Variants in BSPRY observed in about 807,000 individuals in gnomAD.
The protein encoded by BSPRY is B-box and SPRY domain containing, also known as B box and SPRY domain-containing protein.
In BSPRY, 33 loss-of-function variants were observed where a neutral mutation model predicts 38.0. That is an observed-to-expected ratio of 0.87 (90% CI 0.66 to 1.16). The LOEUF is 1.16. Ranked by LOEUF, BSPRY falls within the 50% of genes most tolerant of loss-of-function variation. BSPRY has a pLI of 0.00. For synonymous variants in BSPRY, 224 were observed against 228.5 expected, an observed-to-expected ratio of 0.98 and a Z score of 0.18; for missense variants, 523 against 533.2, an observed-to-expected ratio of 0.98 and a Z score of 0.19.
intron 1 of BSPRY, among the ~76,000 whole-genome samples, chr9:113,352,310 A>G (rs1833986019): frequency 6.6e-6 from 1 of 152,222 alleles, no homozygotes; most frequent in Non-Finnish European, 1.5e-5. Context: ...CTTCTGTTCC[A>G]GTGGTGGGGG....
chr9:113,353,639 G>T (rs1217114471), intron 1 of BSPRY, among the ~76,000 whole-genome samples: 1 of 152,090 alleles, frequency 6.6e-6, no homozygotes, highest in East Asian at 1.9e-4. Flanking sequence ...GGAGGTGGAA[G>T]TTGCAGTGAG....
intron 4 of BSPRY, 58 bp downstream of exon 4, chr9:113,362,452 C>T (rs1834171849): frequency 1.3e-6 from 2 of 1,543,524 alleles, no homozygotes; most frequent in African/African-American, 1.4e-5. Flanking sequence ...GACCTCTTCA[C>T]ACTCCACTGC....
intron 2 of BSPRY, among the ~76,000 whole-genome samples, chr9:113,357,083 C>A (rs1395462597): frequency 6.6e-6 from 1 of 152,108 alleles, no homozygotes; most frequent in Non-Finnish European, 1.5e-5. Flanking sequence ...AGCAGCGGTC[C>A]AAAGACTGAG....
At chr9:113,361,994 T>C (rs1834160488) in intron 3 of BSPRY, among the ~76,000 whole-genome samples, 1 of 152,314 alleles carries the variant, frequency 6.6e-6, no homozygotes, top group African/African-American at 2.4e-5. Context: ...AGCATGCTCT[T>C]TCACAGACAC....
Position 113,370,410 on chromosome 9 carries a change from T to TAAAA in BSPRY, c.*280_*283dup. On this transcript the variant is annotated 3_prime_UTR_variant, in exon 6 of 6. Transcript: ENST00000374183. This position sits in a 1 kb window ranked among gnomAD's most constrained non-coding sequence, Gnocchi z 4.8. ...AATACACTAACGATAGCTGATGAGC[T>TAAAA]AAAAAAAAAAAAAAAGTCTGTGTAT... 2 of 226,594 alleles carry TAAAA rather than the reference T, an allele frequency of 8.8e-6. No individual in the cohort carries two copies. The highest frequency in any genetic ancestry group is 1.6e-5 in the Non-Finnish European group (2 of 121,790). The allele number at this position is 226,594 out of a possible 1,614,324, so 14.0% of individuals were successfully genotyped here.
intron 5 of BSPRY, among the ~76,000 whole-genome samples, chr9:113,368,653 C>T: frequency 6.6e-6 from 1 of 152,194 alleles, no homozygotes; most frequent in East Asian, 1.9e-4. Context: ...ATATCCTGAC[C>T]TACTAGGGCA....
chr9:113,352,068 C>T (rs1315038510), intron 1 of BSPRY, among the ~76,000 whole-genome samples: 1 of 152,170 alleles, frequency 6.6e-6, no homozygotes, highest in Non-Finnish European at 1.5e-5. Context: ...ACCTCAGCCT[C>T]CCAAAGTGTT....
intron 1 of BSPRY, among the ~76,000 whole-genome samples, chr9:113,351,623 TG>T (rs1833972849): frequency 1.6e-4 from 25 of 152,294 alleles, no homozygotes; most frequent in African/African-American, 5.1e-4. Flanking sequence ...CAGATGGAAC[TG>T]AGGCAGAACT....
In BSPRY at chr9:113,369,832, T is replaced by TG; in HGVS notation, c.902dup (p.Val302ArgfsTer14). On this transcript the variant is annotated frameshift_variant, in exon 6 of 6. Coordinates refer to ENST00000374183, the MANE Select transcript of BSPRY (RefSeq NM_017688.3). LOFTEE classifies it high-confidence loss of function. ...GTCCAGAACAGTTGTGCCTATAAGG[T>TG]GGGCGTGGCTTCAGGCCACCTGCCC... 6.2e-7 allele frequency: 1 copy of TG among 1,614,224 alleles called. No individual in the cohort carries two copies. Among genetic ancestry groups the TG allele is most frequent in the Non-Finnish European group, 8.5e-7 (1 of 1,180,022 alleles).
chr9:113,349,801 G>T, intron 1 of BSPRY, 21 bp downstream of exon 1: 1 of 1,223,764 alleles, frequency 8.2e-7, no homozygotes, highest in Non-Finnish European at 1.0e-6. Flanking sequence ...GTGGGCGCCG[G>T]AAGGCGAGGG....
intron 4 of BSPRY, 29 bp from the exon 5 acceptor site, chr9:113,368,230 A>G: frequency 6.2e-7 from 1 of 1,612,434 alleles, no homozygotes; most frequent in Non-Finnish European, 8.5e-7. Flanking sequence ...ACCATCCTGA[A>G]TCTCTGTCTC....
chr9:113,358,072 AC>A (rs1357925126), intron 2 of BSPRY, among the ~76,000 whole-genome samples: 2 of 149,402 alleles, frequency 1.3e-5, no homozygotes, highest in African/African-American at 4.9e-5. Flanking sequence ...ATATAGCAAG[AC>A]CCTATCTCTA....
At chr9:113,362,174 GGTGTGTGTGTGT>G (rs10600721) in intron 3 of BSPRY, among the ~76,000 whole-genome samples, 183 bp from the exon 4 acceptor site, 23 of 141,344 alleles carry the variant, frequency 1.6e-4, no homozygotes, top group South Asian at 1.6e-3. Context: ...ATGTGTTATG[GGTGTGTGTGTGT>G]GTGTGTGTGT....
intron 1 of BSPRY, among the ~76,000 whole-genome samples, 196 bp from the exon 2 acceptor site, chr9:113,354,044 G>C (rs28495580): frequency 0.098 from 14,934 of 152,204 alleles, 766 homozygotes; most frequent in Non-Finnish European, 0.11. Context: ...GAGTGAGAAG[G>C]ATAGGGCATG....
chr9:113,351,108 C>G (rs908436049), intron 1 of BSPRY, among the ~76,000 whole-genome samples: 1 of 152,192 alleles, frequency 6.6e-6, no homozygotes, highest in African/African-American at 2.4e-5. Context: ...GTGAGAATGT[C>G]ATGGAAACCT....
chr9:113,365,520 C>G (rs905302090), intron 4 of BSPRY, among the ~76,000 whole-genome samples: 2 of 152,216 alleles, frequency 1.3e-5, no homozygotes, highest in Admixed American at 6.5e-5. Flanking sequence ...TTCTTGCTCT[C>G]TTTCACAAGA....
intron 3 of BSPRY, 23 bp from the exon 4 acceptor site, chr9:113,362,346 G>A: frequency 6.2e-7 from 1 of 1,614,094 alleles, no homozygotes; most frequent in Non-Finnish European, 8.5e-7. Context: ...TGCCAAGCTT[G>A]ACTTTGTTTT....
At chr9:113,357,957 A>G (rs1328248899) in intron 2 of BSPRY, among the ~76,000 whole-genome samples, 1 of 133,660 alleles carries the variant, frequency 7.5e-6, no homozygotes, top group Non-Finnish European at 1.6e-5. Context: ...TATTAAGCTT[A>G]TTCATTGGGC....
In BSPRY at chr9:113,360,694, G is replaced by T. The variant is rs765206941; in HGVS notation, c.488G>T (p.Gly163Val). ...ALQKLDTIRT[G>V]LVGMLTHLDD... ...CAGAAACTTGACACCATCCGCACTG[G>T]CCTGGTGGGCATGCTTACTCACCTG... is the stretch of plus-strand genomic sequence containing the variant. Residue 163 changes from glycine (G) to valine (V), a missense_variant, in exon 3 of 6, where the codon GGC becomes GTC. Physicochemically the swap from Gly to Val is moderately radical, Grantham distance 109 (BLOSUM62 -3). Coordinates refer to ENST00000374183, the MANE Select transcript of BSPRY (RefSeq NM_017688.3). 1.2e-6 allele frequency: 2 copies of T among 1,603,452 alleles called. No individual in the cohort carries two copies. Among genetic ancestry groups the T allele is most frequent in the South Asian group, 1.1e-5 (1 of 89,050 alleles).
Sources: allele counts gnomAD v4.1 joint callset (sites outside exome capture counted in the v4.1 genomes callset), GRCh38; gene constraint gnomAD v4.1.1; non-coding constraint Gnocchi (gnomAD v3.1); transcripts MANE v1.5; gene names NCBI Gene and HGNC (gene_info 2026-07-23, HGNC 2026-07-21).